The following LIN54 variants were observed in gnomAD, a reference collection of about 807,000 sequenced individuals.
LIN54 encodes protein lin-54 homolog.
LIN54 carries 9 observed loss-of-function variants against 78.7 expected under a neutral mutation model. The observed-to-expected ratio is 0.11, with a 90% CI of 0.07 to 0.20. The LOEUF is 0.20. Ranked by LOEUF, LIN54 falls within the 10% of genes least tolerant of loss-of-function variation. The pLI is 1.00. For missense variants in LIN54, 573 were observed against 889.9 expected, an observed-to-expected ratio of 0.64 and a Z score of 4.53; for synonymous variants, 269 against 318.4, an observed-to-expected ratio of 0.84 and a Z score of 1.65.
At position 82,978,978 on chromosome 4, in the gene LIN54, G is replaced by C. The variant is rs1726394126; in HGVS notation, c.713C>G (p.Ser238Cys). Residue 238 changes from serine (S) to cysteine (C), a missense_variant, in exon 3 of 13, where the codon TCT becomes TGT. Ser to Cys is a moderately radical substitution (Grantham distance 112). Transcript: ENST00000340417. Reference protein sequence around the residue: ...QIAKKPRTPTSGPVITKLIFA... With the variant: ...QIAKKPRTPTCGPVITKLIFA... ...GATCAGCTTCGTGATTACTGGACCA[G>C]AGGTTGGCGTTCGAGGCTTCTTAGC... 2 of 1,592,090 alleles carry C rather than the reference G, an allele frequency of 1.3e-6. No individual in the cohort carries two copies. The highest frequency in any genetic ancestry group is 1.3e-5 in the African/African-American group (1 of 74,738).
intron 1 of LIN54, among the ~76,000 whole-genome samples, chr4:82,986,449 G>T (rs140324244): frequency 4.0e-5 from 6 of 151,724 alleles, no homozygotes; most frequent in African/African-American, 1.5e-4. Flanking sequence ...ACACCACCCC[G>T]GCTGGGCATT....
intron 5 of LIN54, among the ~76,000 whole-genome samples, chr4:82,942,570 G>A (rs767364084): frequency 5.3e-5 from 8 of 152,162 alleles, no homozygotes; most frequent in Admixed American, 2.6e-4. Flanking sequence ...AACCATTGTA[G>A]ATTGGTCTCA....
At chr4:82,982,932 T>C (rs1231122282) in intron 2 of LIN54, among the ~76,000 whole-genome samples, 3 of 152,114 alleles carry the variant, frequency 2.0e-5, no homozygotes, top group Admixed American at 6.6e-5. Context: ...ATTATTTCTA[T>C]GCATTCAAAG....
chr4:83,010,642 G>A lies in LIN54; in HGVS notation c.-191C>T. 1 of 1,231,288 alleles carries A rather than the reference G, an allele frequency of 8.1e-7. No homozygotes were observed. Among genetic ancestry groups the A allele is most frequent in the Non-Finnish European group, 1.0e-6 (1 of 987,472 alleles). The allele number at this position is 1,231,288 out of a possible 1,614,324, so 76.3% of individuals were successfully genotyped here. The stretch of plus-strand genomic sequence containing the variant: ...TTTGTCCAAACTGGAGCGCTCCAGG[G>A]TACCCGGGGACCGAGAAGGGAGCCG... On this transcript the variant is annotated 5_prime_UTR_variant, in exon 1 of 13. Coordinates refer to ENST00000340417, the MANE Select transcript of LIN54 (RefSeq NM_194282.4).
At chr4:82,979,075 A>G in intron 2 of LIN54, 69 bp from the exon 3 acceptor site, 1 of 1,222,604 alleles carries the variant, frequency 8.2e-7, no homozygotes, top group South Asian at 1.6e-5. Flanking sequence ...AAATTATACC[A>G]AAGATTCACA....
intron 3 of LIN54, among the ~76,000 whole-genome samples, chr4:82,973,960 C>T (rs1369936912): frequency 6.6e-6 from 1 of 152,116 alleles, no homozygotes; most frequent in Non-Finnish European, 1.5e-5. Context: ...CCTGTAATCC[C>T]AGCACTTTGG....
intron 3 of LIN54, among the ~76,000 whole-genome samples, chr4:82,976,699 C>T (rs1726193119): frequency 6.6e-6 from 1 of 152,022 alleles, no homozygotes; most frequent in Non-Finnish European, 1.5e-5. Flanking sequence ...CAGGGCGAGA[C>T]TCCGTCTTAA....
chr4:82,940,954 A>G (rs898672844), intron 5 of LIN54, among the ~76,000 whole-genome samples: 4 of 152,124 alleles, frequency 2.6e-5, no homozygotes, highest in Middle Eastern at 3.2e-3. Context: ...AATGCTCACT[A>G]AATGTTAGCT....
chr4:82,995,647 C>T (rs1031236708), intron 1 of LIN54, among the ~76,000 whole-genome samples: 2 of 151,546 alleles, frequency 1.3e-5, no homozygotes, highest in Non-Finnish European at 2.9e-5. Flanking sequence ...AGGTGCGTGC[C>T]ACCACACCCG....
chr4:82,981,822 A>C (rs926132502), intron 2 of LIN54, among the ~76,000 whole-genome samples: 14 of 152,204 alleles, frequency 9.2e-5, no homozygotes, highest in Admixed American at 5.9e-4. Flanking sequence ...GCTTGTGTCC[A>C]GGAGTTTGAG....
intron 3 of LIN54, among the ~76,000 whole-genome samples, chr4:82,975,764 T>C (rs1400050992): frequency 6.6e-6 from 1 of 151,108 alleles, no homozygotes; most frequent in Non-Finnish European, 1.5e-5. Context: ...ACTACCATCA[T>C]GAAAAATCAT....
chr4:82,982,386 G>T (rs1202900183), intron 2 of LIN54, among the ~76,000 whole-genome samples: 2 of 152,170 alleles, frequency 1.3e-5, no homozygotes, highest in East Asian at 3.9e-4. Context: ...GCGCCACCAT[G>T]CTGGGCTAAT....
intron 2 of LIN54, among the ~76,000 whole-genome samples, chr4:82,981,789 T>C (rs1207585055): frequency 6.6e-6 from 1 of 152,082 alleles, no homozygotes; most frequent in Non-Finnish European, 1.5e-5. Context: ...CCAGCACTTT[T>C]GAGAGGCCAA....
intron 4 of LIN54, among the ~76,000 whole-genome samples, chr4:82,954,918 G>T (rs965347114): frequency 1.3e-5 from 2 of 152,122 alleles, no homozygotes; most frequent in African/African-American, 4.8e-5. Flanking sequence ...ATAACATTTG[G>T]TAACCTTGAG....
At chr4:82,957,617 C>T (rs1724435912) in intron 4 of LIN54, among the ~76,000 whole-genome samples, 1 of 152,190 alleles carries the variant, frequency 6.6e-6, no homozygotes, top group African/African-American at 2.4e-5. Flanking sequence ...CAGTCCTTCA[C>T]TCTTGTGGCT....
intron 1 of LIN54, among the ~76,000 whole-genome samples, chr4:83,009,056 TA>T (rs1729642931): frequency 6.6e-6 from 1 of 152,216 alleles, no homozygotes; most frequent in Non-Finnish European, 1.5e-5. Flanking sequence ...TCAGACAAAT[TA>T]TTTTTAAAAA....
chr4:83,007,332 A>G (rs1239428098), intron 1 of LIN54, among the ~76,000 whole-genome samples: 1 of 152,182 alleles, frequency 6.6e-6, no homozygotes, highest in Non-Finnish European at 1.5e-5. Context: ...AAAATAAAAA[A>G]GGGAACTTTA....
At chr4:82,989,253 G>T (rs28655592) in intron 1 of LIN54, among the ~76,000 whole-genome samples, 49,875 of 151,988 alleles carry the variant, frequency 0.33, 9,493 homozygotes, top group African/African-American at 0.52. Flanking sequence ...TGTATACTGT[G>T]AAGTTATCAG....
At position 83,001,286 on chromosome 4, in the gene LIN54, T is replaced by C. The variant is rs945234188; in HGVS notation, c.-33+9198A>G. On this transcript the variant is annotated intron_variant, in intron 1 of 12. Coordinates refer to ENST00000340417, the MANE Select transcript of LIN54 (RefSeq NM_194282.4). ...TGCATCTTGGGTAAGGCACACTGGC[T>C]CATGACTGTAATCCCAACACTTTGG... Among the ~76,000 whole-genome samples, 10 of 152,262 alleles carry C rather than the reference T, an allele frequency of 6.6e-5. No individual in the cohort carries two copies. The East Asian group carries it at 1.9e-3, about 29-fold the overall frequency.
Sources: allele counts gnomAD v4.1 joint callset (sites outside exome capture counted in the v4.1 genomes callset), GRCh38; gene constraint gnomAD v4.1.1; transcripts MANE v1.5; gene names NCBI Gene and HGNC (gene_info 2026-07-23, HGNC 2026-07-21).